The following TTC28 variants were observed in gnomAD, a reference collection of about 807,000 sequenced individuals.
The protein encoded by TTC28 is tetratricopeptide repeat protein 28.
In TTC28, 61 loss-of-function variants were observed where a neutral mutation model predicts 198.0. That is an observed-to-expected ratio of 0.31 (90% confidence interval 0.25 to 0.38). The LOEUF is 0.38. Among genes scored for constraint, TTC28 ranks in the 10% least tolerant of loss-of-function variants. TTC28 has a pLI of 1.00. For missense variants in TTC28, 2,678 were observed against 3,164.0 expected, an observed-to-expected ratio of 0.85 and a Z score of 3.69; for synonymous variants, 1,171 against 1,297.8, an observed-to-expected ratio of 0.90 and a Z score of 2.10.
At chr22:28,549,293 T>C (rs1191214641) in intron 2 of TTC28, among the ~76,000 whole-genome samples, 1 of 152,176 alleles carries the variant, frequency 6.6e-6, no homozygotes, top group Non-Finnish European at 1.5e-5. Context: ...CCTCCCGAAG[T>C]GCTGGGATTA....
intron 5 of TTC28, among the ~76,000 whole-genome samples, chr22:28,263,684 G>A (rs1931483843): frequency 6.6e-6 from 1 of 152,086 alleles, no homozygotes. Context: ...TGATAGATCA[G>A]TCCTTAGAGT....
chr22:28,394,968 C>T (rs2046791370), intron 2 of TTC28, among the ~76,000 whole-genome samples: 1 of 152,206 alleles, frequency 6.6e-6, no homozygotes, highest in South Asian at 2.1e-4. Context: ...CTTGAACCAG[C>T]TTAAATGATC....
chr22:28,499,829 CAT>C (rs780851268), intron 2 of TTC28, among the ~76,000 whole-genome samples: 36 of 151,964 alleles, frequency 2.4e-4, no homozygotes, highest in African/African-American at 8.7e-4. Flanking sequence ...TAAAAATGGA[CAT>C]ATTTATGGGG....
At position 28,085,464 on chromosome 22, in the gene TTC28, C is replaced by T. The variant is rs9720411; in HGVS notation, c.3932+8616G>A. The stretch of plus-strand genomic sequence containing the variant: ...TCCTTTACAGACAAGCAAATGCTGA[C>T]AGATTTTGTCACCACCAGGCCTGCC... On this transcript the variant is annotated intron_variant, in intron 12 of 22. Transcript: ENST00000397906. Among the ~76,000 whole-genome samples, 98 of 151,232 alleles carry T rather than the reference C, an allele frequency of 6.5e-4. 1 individual carries two copies. The highest frequency in any genetic ancestry group is 5.2e-3 in the Admixed American group (79 of 15,118).
intron 2 of TTC28, among the ~76,000 whole-genome samples, chr22:28,392,349 T>C (rs931334085): frequency 9.2e-5 from 14 of 152,204 alleles, no homozygotes; most frequent in African/African-American, 3.4e-4. Flanking sequence ...GCAGGCCTCC[T>C]TGAGTTGTGG....
chr22:28,165,206 T>C (rs1205874181), intron 5 of TTC28, among the ~76,000 whole-genome samples: 1 of 152,180 alleles, frequency 6.6e-6, no homozygotes, highest in Non-Finnish European at 1.5e-5. Context: ...ATCTCATTGG[T>C]GTACCTGAAA....
At chr22:28,066,563 G>A (rs1394229491) in intron 12 of TTC28, among the ~76,000 whole-genome samples, 1 of 151,870 alleles carries the variant, frequency 6.6e-6, no homozygotes, top group Non-Finnish European at 1.5e-5. Flanking sequence ...GTCTACATAT[G>A]AGCTCATACA....
intron 2 of TTC28, among the ~76,000 whole-genome samples, chr22:28,608,941 T>C (rs2050776538): frequency 6.6e-6 from 1 of 152,102 alleles, no homozygotes; most frequent in African/African-American, 2.4e-5. Flanking sequence ...GGGGGAGAGC[T>C]GATTTCCAAA....
intron 2 of TTC28, among the ~76,000 whole-genome samples, chr22:28,597,651 G>T (rs79528702): frequency 1.3e-5 from 2 of 152,060 alleles, no homozygotes; most frequent in Non-Finnish European, 2.9e-5. Flanking sequence ...AGAGAAGCAC[G>T]GTTAGTGGCA....
intron 5 of TTC28, among the ~76,000 whole-genome samples, chr22:28,237,320 T>C (rs1929325262): frequency 6.6e-6 from 1 of 152,190 alleles, no homozygotes; most frequent in Non-Finnish European, 1.5e-5. Context: ...CATCCTAGAA[T>C]AGTACTGGTT....
chr22:28,076,305 A>C (rs1230706054), intron 12 of TTC28, among the ~76,000 whole-genome samples: 1 of 152,244 alleles, frequency 6.6e-6, no homozygotes, highest in African/African-American at 2.4e-5. Context: ...GCAATGGCAT[A>C]GTCACCAGTG....
Position 28,297,861 on chromosome 22 carries a change from AAAC to A in TTC28, c.530-12_530-10del. ...AGTGGGCTCGAGGGAGTCTGAAAAT[AAAC>A]AACAATAACAGCAACATAACAGGAG... On this transcript the variant is annotated splice_polypyrimidine_tract_variant and intron_variant, in intron 3 of 22. Coordinates refer to ENST00000397906, the MANE Select transcript of TTC28 (RefSeq NM_001145418.2). 1.3e-6 allele frequency: 2 copies of A among 1,550,342 alleles called. No individual in the cohort carries two copies. Among genetic ancestry groups the A allele is most frequent in the Non-Finnish European group, 8.7e-7 (1 of 1,146,432 alleles).
intron 5 of TTC28, among the ~76,000 whole-genome samples, chr22:28,262,200 T>A (rs1931368199): frequency 6.6e-6 from 1 of 151,934 alleles, no homozygotes; most frequent in Non-Finnish European, 1.5e-5. Context: ...CTAGGCAAAA[T>A]AAAAGTTAAG....
At chr22:28,339,413 A>G (rs1347038404) in intron 2 of TTC28, among the ~76,000 whole-genome samples, 1 of 152,110 alleles carries the variant, frequency 6.6e-6, no homozygotes, top group Non-Finnish European at 1.5e-5. Context: ...TACTCTCTTC[A>G]AAGCTGTCAG....
intron 5 of TTC28, among the ~76,000 whole-genome samples, chr22:28,267,737 T>C (rs1931780102): frequency 6.6e-6 from 1 of 152,164 alleles, no homozygotes; most frequent in Non-Finnish European, 1.5e-5. Context: ...CAGTACCTAA[T>C]CAGAAGTAAG....
chr22:28,092,663 C>T (rs572447252), intron 12 of TTC28, among the ~76,000 whole-genome samples: 1 of 152,282 alleles, frequency 6.6e-6, no homozygotes, highest in South Asian at 2.1e-4. Flanking sequence ...TTCTGTCTGC[C>T]GAAGCAGCTT....
chr22:28,428,976 A>C lies in TTC28; in HGVS notation c.382-122333T>G, dbSNP rs1569320179. ...TTATTAAAAAGCTTATAGTTAATAA[A>C]TTAAATTCAGTAAACATTTAAAAGA... On this transcript the variant is annotated intron_variant, in intron 2 of 22. Coordinates refer to ENST00000397906, the MANE Select transcript of TTC28 (RefSeq NM_001145418.2). Among the ~76,000 whole-genome samples the C allele has an allele frequency of 2.0e-5, 3 of 152,200 alleles. No individual in the cohort carries two copies. In the South Asian group the frequency reaches 6.2e-4, roughly 31 times the overall value.
At chr22:28,123,774 G>A in intron 6 of TTC28, among the ~76,000 whole-genome samples, 1 of 151,992 alleles carries the variant, frequency 6.6e-6, no homozygotes, top group East Asian at 1.9e-4. Context: ...CTTGAGCTCA[G>A]GAGTTTGAGA....
intron 2 of TTC28, among the ~76,000 whole-genome samples, chr22:28,465,846 A>G (rs1284677071): frequency 1.3e-5 from 2 of 152,310 alleles, no homozygotes; most frequent in African/African-American, 2.4e-5. Flanking sequence ...ATAACTTTCA[A>G]TTACAGTCCA....
Sources: allele counts gnomAD v4.1 joint callset (sites outside exome capture counted in the v4.1 genomes callset), GRCh38; gene constraint gnomAD v4.1.1; transcripts MANE v1.5; gene names NCBI Gene and HGNC (gene_info 2026-07-23, HGNC 2026-07-21).